COL5A3: variants seen among roughly 807,000 people sequenced by gnomAD.
COL5A3 encodes collagen alpha-3(V) chain.
In COL5A3, 172 loss-of-function variants were observed where a neutral mutation model predicts 250.0. That is an observed-to-expected ratio of 0.69 (90% CI 0.61 to 0.78). COL5A3 has a LOEUF of 0.78. COL5A3 is among the 30% of genes least tolerant of loss of function. The probability of loss-of-function intolerance (pLI) is 0.00; values close to 1 mark genes in which losing one functional copy is unlikely to be tolerated. For missense variants in COL5A3, 2,340 were observed against 2,334.4 expected (o/e 1.00, Z -0.05); for synonymous variants, 937 against 900.4 (o/e 1.04, Z -0.73).
chr19:9,983,584 GAAAGAA>G (rs1350448006), intron 31 of COL5A3, among the ~76,000 whole-genome samples: 129 of 90,804 alleles, frequency 1.4e-3, no homozygotes, highest in African/African-American at 5.0e-3. Flanking sequence ...AAGAAAGAAA[GAAAGAA>G]AGAAAGAAAG....
At chr19:9,967,847 C>G in intron 61 of COL5A3, 57 bp downstream of exon 61, 1 of 1,538,956 alleles carries the variant, frequency 6.5e-7, no homozygotes, top group Non-Finnish European at 8.9e-7. Context: ...GGTTCTGGTG[C>G]AGTGAAGGGG....
chr19:9,983,951 G>A (rs976943416), intron 31 of COL5A3, among the ~76,000 whole-genome samples: 1 of 150,448 alleles, frequency 6.6e-6, no homozygotes, highest in African/African-American at 2.4e-5. Context: ...ACGTAGGCAA[G>A]ATAACTATCA....
chr19:9,969,663 C>G lies in COL5A3; in HGVS notation c.4010G>C (p.Gly1337Ala). The stretch of plus-strand genomic sequence containing the variant: ...CATTGGACCCGTCCTCCCTGGGGGC[C>G]CATCAGGACCTGGCTCCCCCTGAAA... Reference protein sequence around the residue: ...KGAKGEPGPDGPPGRTGPMGA... With the variant: ...KGAKGEPGPDAPPGRTGPMGA... Residue 1337 changes from glycine (G) to alanine (A), a missense_variant, in exon 56 of 67, where the codon GGG (glycine) becomes GCG (alanine). Coordinates refer to ENST00000264828, the MANE Select transcript of COL5A3 (RefSeq NM_015719.4). 6.3e-7 allele frequency: 1 copy of G among 1,586,938 alleles called. No homozygotes were observed. The highest frequency in any genetic ancestry group is 8.5e-7 in the Non-Finnish European group (1 of 1,172,966).
intron 16 of COL5A3, 105 bp downstream of exon 16, chr19:9,995,459 T>C: frequency 1.0e-6 from 1 of 996,302 alleles, no homozygotes; most frequent in Non-Finnish European, 1.5e-6. Context: ...TCAGCACTCT[T>C]TTCCCACTAA....
intron 27 of COL5A3, among the ~76,000 whole-genome samples, chr19:9,988,149 G>A (rs993056682): frequency 4.6e-5 from 7 of 152,186 alleles, no homozygotes; most frequent in East Asian, 1.9e-4. Context: ...CGGGAGAATC[G>A]CTTGAACCTG....
Position 9,968,251 on chromosome 19 carries a change from C to T in COL5A3, c.4314+134G>A. Reference sequence around the variant, plus strand: ...ACGCAGCCTCCAACTTGCCAGTTCCCAGATACATCCCCCTATTTTCCCCAC... The same window carrying T: ...ACGCAGCCTCCAACTTGCCAGTTCCTAGATACATCCCCCTATTTTCCCCAC... On this transcript the variant is annotated intron_variant, in intron 59 of 66. Transcript: ENST00000264828. This position sits in a 1 kb window ranked among gnomAD's most constrained non-coding sequence, Gnocchi z 4.1. 1.0e-6 allele frequency: 1 copy of T among 993,516 alleles called. No homozygotes were observed. 61.5% of individuals were successfully genotyped at this position (993,516 alleles called of 1,614,324 possible).
intron 48 of COL5A3, 27 bp downstream of exon 48, chr19:9,973,892 C>T: frequency 1.3e-6 from 2 of 1,591,550 alleles, no homozygotes; most frequent in Non-Finnish European, 1.7e-6. Context: ...CATCTCTGAG[C>T]CTTCCTGGCC....
At chr19:9,962,924 C>A in intron 64 of COL5A3, 37 bp from the exon 65 acceptor site, 3 of 1,500,386 alleles carry the variant, frequency 2.0e-6, no homozygotes, top group Non-Finnish European at 1.8e-6. Flanking sequence ...TAGCTGACGC[C>A]CTTGGTGCCA....
chr19:9,981,213 A>G (rs1233714148), intron 32 of COL5A3, 81 bp from the exon 33 acceptor site: 4 of 1,282,478 alleles, frequency 3.1e-6, no homozygotes, highest in Non-Finnish European at 4.5e-6. Flanking sequence ...ACACCCAGTC[A>G]CAGACCCAGA....
chr19:9,994,516 C>T (rs1345053141), intron 16 of COL5A3, among the ~76,000 whole-genome samples: 4 of 117,642 alleles, frequency 3.4e-5, no homozygotes, highest in South Asian at 2.8e-4. Context: ...TTTGAGATGG[C>T]GTCTTGCTCT....
At position 9,978,907 on chromosome 19, in the gene COL5A3, C is replaced by G. The variant is rs770750320; in HGVS notation, c.2948G>C (p.Gly983Ala). The change falls in exon 40 of 67, where the codon GGG becomes GCG. Residue 983 changes from glycine to alanine, a missense_variant. Transcript: ENST00000264828. The stretch of plus-strand genomic sequence containing the variant: ...GATACTCACCGGGTCCCCAGGGCCC[C>G]CTTTGGGGCCGGGAAAGCCCCTGAG... ...AGLRGFPGPK[G>A]GPGDPGPTGL... The G allele has an allele frequency of 1.3e-6, 2 of 1,488,140 alleles. No individual in the cohort carries two copies. The highest frequency in any genetic ancestry group is 1.8e-6 in the Non-Finnish European group (2 of 1,120,804). 92.2% of individuals were successfully genotyped at this position (1,488,140 alleles called of 1,614,324 possible). A position where few individuals can be genotyped will look rare whatever the true frequency, so the allele number is the denominator to read the frequency against.
chr19:9,986,124 G>A (rs2087095985), intron 30 of COL5A3, among the ~76,000 whole-genome samples, 191 bp downstream of exon 30: 1 of 152,210 alleles, frequency 6.6e-6, no homozygotes, highest in Non-Finnish European at 1.5e-5. Flanking sequence ...CCTATTGCAT[G>A]TGGTGGTTAT....
Position 9,968,850 on chromosome 19 carries a change from G to A in COL5A3, c.4153-122C>T, listed in dbSNP as rs1418357320. ...TTCAAATGGGAATTACCAGGGATGA[G>A]GTCAAGGGATGGTCAGAGTAGGCCA... On this transcript the variant is annotated intron_variant, in intron 57 of 66. Coordinates refer to ENST00000264828, the MANE Select transcript of COL5A3 (RefSeq NM_015719.4). This position sits in a 1 kb window ranked among gnomAD's most constrained non-coding sequence, Gnocchi z 4.1. 1 of 890,556 alleles carries A rather than the reference G, an allele frequency of 1.1e-6. No homozygotes were observed. Among genetic ancestry groups the A allele is most frequent in the Non-Finnish European group, 1.8e-6 (1 of 566,088 alleles). The allele number at this position is 890,556 out of a possible 1,614,324, so 55.2% of individuals were successfully genotyped here. A position where few individuals can be genotyped will look rare whatever the true frequency, so the allele number is the denominator to read the frequency against.
At chr19:9,988,659 T>G (rs2087134870) in intron 27 of COL5A3, among the ~76,000 whole-genome samples, 1 of 151,376 alleles carries the variant, frequency 6.6e-6, no homozygotes, top group African/African-American at 2.4e-5. Context: ...GGTGAAACCC[T>G]GTCTCTAATA....
rs1355931443 is a variant in COL5A3 at position 10,005,889 on chromosome 19, G to A, written c.344C>T (p.Ala115Val). The A allele has an allele frequency of 1.2e-6, 2 of 1,613,996 alleles. No individual in the cohort carries two copies. Among genetic ancestry groups the A allele is most frequent in the South Asian group, 2.2e-5 (2 of 91,084 alleles). ...CCCCAGTGCCAGGCCCAACTGCCGG[G>A]CACCCCTTTCATCATAAATGGACAG... The part of the protein sequence containing the change: ...VLLSIYDERG[A>V]RQLGLALGPA... Residue 115 changes from alanine to valine, a missense_variant, in exon 3 of 67, where the codon GCC (alanine) becomes GTC (valine). This residue lies in a region of COL5A3 where 1,152 missense variants were observed against 1,146.3 expected (regional missense o/e 1.00). Coordinates refer to ENST00000264828, the MANE Select transcript of COL5A3 (RefSeq NM_015719.4).
Position 9,979,997 on chromosome 19 carries a change from G to A in COL5A3, c.2655C>T (p.Pro885=), listed in dbSNP as rs764160375. The change falls in exon 36 of 67, where the codon CCC becomes CCT. Residue 885 remains proline (P), a synonymous_variant. Transcript: ENST00000264828. ...GPPGFPGPKG[P]PGHQGKDGRP... ...CAATGAGGGTGACCTCACTCACAGG[G>A]GGGCCCTTTGGCCCAGGGAATCCTG... The A allele has an allele frequency of 6.3e-7, 1 of 1,586,950 alleles. No individual in the cohort carries two copies. The highest frequency in any genetic ancestry group is 8.5e-7 in the Non-Finnish European group (1 of 1,172,850).
intron 29 of COL5A3, 61 bp from the exon 30 acceptor site, chr19:9,986,483 CAGCT>C: frequency 6.2e-7 from 1 of 1,601,880 alleles, no homozygotes; most frequent in Non-Finnish European, 8.5e-7. Flanking sequence ...TGTCTAGCCC[CAGCT>C]CATCCCCTCC....
rs1205377440 is a variant in COL5A3, at chr19:9,983,598, A to AAGAG, written c.2407-1484_2407-1481dup. Among the ~76,000 whole-genome samples, 39 of 84,486 alleles carry AAGAG rather than the reference A, an allele frequency of 4.6e-4. 1 individual carries two copies. The highest frequency in any genetic ancestry group is 1.6e-3 in the African/African-American group (32 of 20,068). 55.4% of individuals were successfully genotyped at this position (84,486 alleles called of 152,430 possible). On this transcript the variant is annotated intron_variant, in intron 31 of 66. Transcript: ENST00000264828. ...AAAGAAAGAAAGAAAGAAAGAAAGAAAGAGAAAGAGAGAGAGAGAGAAAGA... is the reference window on the plus strand; with the variant it reads ...AAAGAAAGAAAGAAAGAAAGAAAGAAAGAGAGAGAAAGAGAGAGAGAGAGAAAGA...
chr19:9,970,600 C>G (rs1895371), intron 54 of COL5A3, 22 bp downstream of exon 54: 561,439 of 1,398,838 alleles, frequency 0.4, 115,705 homozygotes, highest in Non-Finnish European at 0.42. Context: ...GCTGAGGACC[C>G]AGGAGGTGGC....
Sources: gnomAD v4.1 joint callset for allele counts (sites outside exome capture counted in the v4.1 genomes callset) on GRCh38, gnomAD v4.1.1 for gene constraint, gnomAD v4.1.1 regional missense constraint, Gnocchi (gnomAD v3.1) non-coding constraint, MANE v1.5 for transcripts, NCBI Gene and HGNC (gene_info 2026-07-23, HGNC 2026-07-21) for gene names.